COL28A1: variants seen among roughly 807,000 people sequenced by gnomAD.
COL28A1 encodes collagen alpha-1(XXVIII) chain.
A neutral mutation model predicts 150.2 loss-of-function variants in COL28A1; 161 were observed. That is an observed-to-expected ratio of 1.07 (90% CI 0.94 to 1.22). The LOEUF is 1.22. Ranked by LOEUF, COL28A1 falls within the 50% of genes most tolerant of loss-of-function variation. The pLI, the probability that COL28A1 is intolerant of heterozygous loss-of-function variation, is 0.00. For missense variants in COL28A1, 1,617 were observed against 1,388.3 expected (o/e 1.16, Z -2.62); for synonymous variants, 552 against 469.7 (o/e 1.18, Z -2.26).
chr7:7,540,824 C>T (rs1332166786), upstream of COL28A1, among the ~76,000 whole-genome samples: 1 of 152,148 alleles, frequency 6.6e-6, no homozygotes, highest in Non-Finnish European at 1.5e-5. Flanking sequence ...ACCACCTCTT[C>T]GAACCCTGGG....
chr7:7,476,354 T>G (rs1393625582), intron 14 of COL28A1, among the ~76,000 whole-genome samples: 1 of 152,216 alleles, frequency 6.6e-6, no homozygotes, highest in African/African-American at 2.4e-5. Context: ...ATATACAAAC[T>G]GCCTATATCA....
At chr7:7,458,186 G>A (rs1269931249) in intron 15 of COL28A1, among the ~76,000 whole-genome samples, 1 of 152,170 alleles carries the variant, frequency 6.6e-6, no homozygotes, top group East Asian at 1.9e-4. Context: ...GGAGGCAGAG[G>A]TGGGCGGATC....
intron 15 of COL28A1, among the ~76,000 whole-genome samples, chr7:7,464,235 A>T (rs894236667): frequency 1.3e-5 from 2 of 152,218 alleles, no homozygotes; most frequent in African/African-American, 4.8e-5. Context: ...TACTGCACTG[A>T]CAGCACTAGA....
intron 8 of COL28A1, among the ~76,000 whole-genome samples, chr7:7,515,545 G>A (rs1034134605): frequency 7.2e-5 from 11 of 152,124 alleles, no homozygotes; most frequent in African/African-American, 2.7e-4. Context: ...GTGCTGCATG[G>A]CTTATAAATT....
intron 27 of COL28A1, among the ~76,000 whole-genome samples, chr7:7,401,510 C>G (rs900111742): frequency 1.3e-5 from 2 of 152,084 alleles, no homozygotes; most frequent in African/African-American, 4.8e-5. Flanking sequence ...GTCCATTCTT[C>G]CTATTATATA....
At position 7,531,875 on chromosome 7, in the gene COL28A1, T is replaced by A; in HGVS notation, c.154A>T (p.Ile52Phe). The A allele has an allele frequency of 6.2e-7, 1 of 1,607,996 alleles. No individual in the cohort carries two copies. Among genetic ancestry groups the A allele is most frequent in the African/African-American group, 1.3e-5 (1 of 74,886 alleles). ...GSICFIDIVF[I>F]VDSSESSKIA... Reference sequence around the variant, plus strand: ...TTAGAACTTTCAGAGCTGTCCACGATGAAGACAATATCTATGAAACAAATG... The same window carrying A: ...TTAGAACTTTCAGAGCTGTCCACGAAGAAGACAATATCTATGAAACAAATG... The change falls in exon 3 of 35, where the codon ATC (isoleucine) becomes TTC (phenylalanine). Residue 52 changes from isoleucine to phenylalanine, a missense_variant. Ile to Phe is a conservative substitution (Grantham distance 21). Coordinates refer to ENST00000399429, the MANE Select transcript of COL28A1 (RefSeq NM_001037763.3).
In COL28A1 at chr7:7,531,621, G is replaced by T; in HGVS notation, c.408C>A (p.Ala136=). 1 of 1,606,478 alleles carries T rather than the reference G, an allele frequency of 6.2e-7. No individual in the cohort carries two copies. Among genetic ancestry groups the T allele is most frequent in the East Asian group, 2.2e-5 (1 of 44,840 alleles). Residue 136 remains alanine, a synonymous_variant, in exon 3 of 35, where the codon GCC becomes GCA. Coordinates refer to ENST00000399429, the MANE Select transcript of COL28A1 (RefSeq NM_001037763.3). The stretch of plus-strand genomic sequence containing the variant: ...TAAGTAGCCTAGTGGCATTGGAAAT[G>T]GCATAATAAGAGAAGGTACCTTGCC... ...LIGQGTFSYY[A]ISNATRLLKR...
At chr7:7,510,931 A>G (rs1350037714) in intron 9 of COL28A1, among the ~76,000 whole-genome samples, 160 bp downstream of exon 9, 1 of 152,188 alleles carries the variant, frequency 6.6e-6, no homozygotes, top group Non-Finnish European at 1.5e-5. Flanking sequence ...GTTAGGCATC[A>G]CTTTGTTTTC....
intron 13 of COL28A1, among the ~76,000 whole-genome samples, chr7:7,482,930 G>A (rs1447463023): frequency 1.3e-5 from 2 of 152,210 alleles, no homozygotes; most frequent in African/African-American, 4.8e-5. Context: ...TGTTTGTGTG[G>A]TGGGAAGAAG....
intron 13 of COL28A1, among the ~76,000 whole-genome samples, chr7:7,483,027 G>C (rs1357709982): frequency 6.6e-6 from 1 of 152,136 alleles, no homozygotes; most frequent in Non-Finnish European, 1.5e-5. Flanking sequence ...GAGAGACTGA[G>C]ATTCCCACAA....
In COL28A1 at chr7:7,440,679, C is replaced by G. The variant is rs1306839954; in HGVS notation, c.1722+111G>C. On this transcript the variant is annotated intron_variant, in intron 21 of 34. Transcript: ENST00000399429. ...CTTATTTTGGGGTATTTGTTTTGTA[C>G]TTGTTGGGAAGGAAACAAGGAATCC... The G allele has an allele frequency of 5.4e-6, 3 of 559,704 alleles. No individual in the cohort carries two copies. In the East Asian group the frequency reaches 8.4e-5, roughly 16 times the overall value. The allele number at this position is 559,704 out of a possible 1,614,324, so 34.7% of individuals were successfully genotyped here.
At chr7:7,430,546 TC>T (rs919894293) in intron 25 of COL28A1, among the ~76,000 whole-genome samples, 2 of 152,178 alleles carry the variant, frequency 1.3e-5, no homozygotes, top group Admixed American at 6.5e-5. Flanking sequence ...TATAAAAAAT[TC>T]ATAATAATCT....
intron 27 of COL28A1, among the ~76,000 whole-genome samples, chr7:7,408,130 C>T (rs772106377): frequency 6.6e-6 from 1 of 152,028 alleles, no homozygotes; most frequent in Non-Finnish European, 1.5e-5. Context: ...TTTCTTAGAG[C>T]AGGGTAGGCA....
chr7:7,492,198 A>T (rs534305826), intron 11 of COL28A1, among the ~76,000 whole-genome samples: 2 of 152,232 alleles, frequency 1.3e-5, no homozygotes, highest in South Asian at 4.2e-4. Context: ...GTCTCAATTT[A>T]CCCCAGAAGC....
intron 15 of COL28A1, among the ~76,000 whole-genome samples, chr7:7,471,697 CCAGCCTGGTCAACATG>C (rs749788112): frequency 3.3e-5 from 5 of 152,104 alleles, no homozygotes; most frequent in Non-Finnish European, 5.9e-5. Flanking sequence ...AAGTTTGAGA[CCAGCCTGGTCAACATG>C]ATGAAACCCC....
chr7:7,500,566 A>G (rs1780463456), intron 11 of COL28A1, among the ~76,000 whole-genome samples: 1 of 152,210 alleles, frequency 6.6e-6, no homozygotes, highest in South Asian at 2.1e-4. Flanking sequence ...GAGAAACTTG[A>G]TTAGCACACT....
At chr7:7,398,308 G>C (rs1313632408) in intron 27 of COL28A1, among the ~76,000 whole-genome samples, 2 of 152,138 alleles carry the variant, frequency 1.3e-5, no homozygotes, top group Admixed American at 6.5e-5. Flanking sequence ...TTTGGAGATT[G>C]TTTCCTGCAA....
intron 12 of COL28A1, among the ~76,000 whole-genome samples, chr7:7,489,718 G>A (rs1160797423): frequency 6.6e-6 from 1 of 152,156 alleles, no homozygotes; most frequent in East Asian, 1.9e-4. Flanking sequence ...GAATTGGCAG[G>A]ACAGACTGTG....
intron 27 of COL28A1, among the ~76,000 whole-genome samples, chr7:7,397,361 C>T (rs974042340): frequency 1.3e-5 from 2 of 152,106 alleles, no homozygotes; most frequent in African/African-American, 4.8e-5. Context: ...CAAGGCCCAC[C>T]CAGATAATCC....
Sources: gnomAD v4.1 joint callset for allele counts (sites outside exome capture counted in the v4.1 genomes callset) on GRCh38, gnomAD v4.1.1 for gene constraint, MANE v1.5 for transcripts, NCBI Gene and HGNC (gene_info 2026-07-23, HGNC 2026-07-21) for gene names.